Variants in CNTN6 observed in about 807,000 individuals in gnomAD.
CNTN6 encodes contactin 6.
Under a neutral mutation model 122.8 loss-of-function variants are expected in CNTN6, and 137 were observed. The observed-to-expected ratio is 1.12, with a 90% CI of 0.97 to 1.29. The LOEUF is 1.29. Among genes scored for constraint, CNTN6 ranks in the 50% most tolerant of loss-of-function variants. CNTN6 has a pLI of 0.00. For missense variants in CNTN6, 1,634 were observed against 1,223.4 expected (o/e 1.34, Z -5.01); for synonymous variants, 570 against 426.0 (o/e 1.34, Z -4.16).
chr3:1,294,412 A>C (rs1325035864), intron 5 of CNTN6, among the ~76,000 whole-genome samples: 1 of 152,158 alleles, frequency 6.6e-6, no homozygotes, highest in Non-Finnish European at 1.5e-5. Context: ...ATGATGATAG[A>C]AATCCAGTAG....
At chr3:1,163,618 A>C (rs1166901354) in intron 2 of CNTN6, among the ~76,000 whole-genome samples, 1 of 152,276 alleles carries the variant, frequency 6.6e-6, no homozygotes, top group Middle Eastern at 3.4e-3. Flanking sequence ...AGGTTTTGCT[A>C]TGCTGCCCAG....
intron 7 of CNTN6, among the ~76,000 whole-genome samples, chr3:1,306,748 C>T (rs188116606): frequency 6.6e-6 from 1 of 152,096 alleles, no homozygotes; most frequent in African/African-American, 2.4e-5. Context: ...TAAATAGTAA[C>T]TACTTTATTA....
chr3:1,369,576 C>G (rs1165190243), intron 12 of CNTN6, among the ~76,000 whole-genome samples: 1 of 152,090 alleles, frequency 6.6e-6, no homozygotes, highest in Non-Finnish European at 1.5e-5. Flanking sequence ...CAACAATGAG[C>G]TATGTAGATA....
intron 11 of CNTN6, among the ~76,000 whole-genome samples, chr3:1,349,722 A>G (rs535656931): frequency 2.2e-4 from 33 of 151,248 alleles, no homozygotes; most frequent in Non-Finnish European, 4.4e-4. Context: ...AAAACTGGAA[A>G]TTCTTTTATA....
intron 2 of CNTN6, among the ~76,000 whole-genome samples, chr3:1,181,775 T>C (rs1182704071): frequency 6.6e-6 from 1 of 152,120 alleles, no homozygotes; most frequent in East Asian, 1.9e-4. Flanking sequence ...AAAATTGATA[T>C]TTGAGAGCAT....
chr3:1,124,261 A>C (rs2092074362), intron 1 of CNTN6, among the ~76,000 whole-genome samples: 1 of 151,868 alleles, frequency 6.6e-6, no homozygotes, highest in Admixed American at 6.6e-5. Context: ...CAACGCGCCA[A>C]CACCACCCAG....
At chr3:1,219,669 G>A (rs2094178773) in intron 2 of CNTN6, among the ~76,000 whole-genome samples, 1 of 152,102 alleles carries the variant, frequency 6.6e-6, no homozygotes, top group South Asian at 2.1e-4. Context: ...TAAAGTCAGG[G>A]AAATCAAGGA....
At chr3:1,129,717 T>TGCTGGAGTGTTGGATATG (rs1183302318) in intron 1 of CNTN6, among the ~76,000 whole-genome samples, 1 of 152,104 alleles carries the variant, frequency 6.6e-6, no homozygotes, top group East Asian at 1.9e-4. Context: ...CAACACTTCC[T>TGCTGGAGTGTTGGATATG]ACATGACATC....
chr3:1,280,636 T>C, intron 5 of CNTN6, among the ~76,000 whole-genome samples: 1 of 151,868 alleles, frequency 6.6e-6, no homozygotes, highest in Non-Finnish European at 1.5e-5. Flanking sequence ...AGCTAATTTC[T>C]GTATTTTTAG....
At chr3:1,193,099 C>G (rs2093726120) in intron 2 of CNTN6, among the ~76,000 whole-genome samples, 1 of 152,186 alleles carries the variant, frequency 6.6e-6, no homozygotes. Context: ...CTTAATGGAA[C>G]ACCATTGCCA....
intron 4 of CNTN6, among the ~76,000 whole-genome samples, chr3:1,240,884 G>A (rs2094474282): frequency 1.3e-5 from 2 of 152,154 alleles, no homozygotes; most frequent in South Asian, 4.2e-4. Context: ...AAGGGAGATA[G>A]GGGTGGGGCT....
At chr3:1,371,929 G>A (rs544131199) in intron 12 of CNTN6, among the ~76,000 whole-genome samples, 1 of 152,132 alleles carries the variant, frequency 6.6e-6, no homozygotes, top group South Asian at 2.1e-4. Flanking sequence ...GAAGTTAACA[G>A]AGAGCATTTA....
intron 4 of CNTN6, among the ~76,000 whole-genome samples, chr3:1,268,974 C>T (rs1402297494): frequency 6.6e-6 from 1 of 152,110 alleles, no homozygotes; most frequent in Non-Finnish European, 1.5e-5. Context: ...GAGTGAGACC[C>T]TGTCTCAAAA....
At chr3:1,242,211 T>TG (rs1385526774) in intron 4 of CNTN6, among the ~76,000 whole-genome samples, 1 of 151,806 alleles carries the variant, frequency 6.6e-6, no homozygotes, top group Non-Finnish European at 1.5e-5. Context: ...CTGAGCCTAA[T>TG]GGGTGTCAGG....
intron 9 of CNTN6, 93 bp from the exon 10 acceptor site, chr3:1,327,364 T>C (rs1701676934): frequency 2.3e-6 from 3 of 1,312,254 alleles, no homozygotes; most frequent in African/African-American, 1.5e-5. Context: ...TCAGATCTCA[T>C]AGATATACAC....
At chr3:1,190,585 A>G (rs2093687662) in intron 2 of CNTN6, among the ~76,000 whole-genome samples, 1 of 152,206 alleles carries the variant, frequency 6.6e-6, no homozygotes, top group African/African-American at 2.4e-5. Context: ...TGCCTTGCAG[A>G]GGAGAGTTTA....
At chr3:1,157,217 T>A (rs923763080) in intron 2 of CNTN6, among the ~76,000 whole-genome samples, 1 of 141,454 alleles carries the variant, frequency 7.1e-6, no homozygotes, top group Non-Finnish European at 1.5e-5. Flanking sequence ...TATTTATTTA[T>A]TTAATTTATT....
At chr3:1,362,192 G>A (rs566680734) in intron 12 of CNTN6, among the ~76,000 whole-genome samples, 1 of 152,154 alleles carries the variant, frequency 6.6e-6, no homozygotes, top group South Asian at 2.1e-4. Context: ...ATAATTGCAT[G>A]CTTGAAAAAG....
At chr3:1,401,069 A>C (rs1201620980) in intron 20 of CNTN6, among the ~76,000 whole-genome samples, 1 of 152,240 alleles carries the variant, frequency 6.6e-6, no homozygotes, top group South Asian at 2.1e-4. Flanking sequence ...AATGTTTGCA[A>C]CTTGAATTTG....
Sources: gnomAD v4.1 joint callset for allele counts (sites outside exome capture counted in the v4.1 genomes callset) on GRCh38, gnomAD v4.1.1 for gene constraint, MANE v1.5 for transcripts, NCBI Gene and HGNC (gene_info 2026-07-23, HGNC 2026-07-21) for gene names.